Variants in NRK observed in about 807,000 individuals in gnomAD.
NRK encodes Nik related kinase, also known as nik-related protein kinase.
NRK carries 67 observed loss-of-function variants against 125.2 expected under a neutral mutation model. The ratio of observed to expected loss-of-function variants is 0.54; its 90% CI spans 0.44 to 0.66. The LOEUF (loss-of-function observed/expected upper bound fraction) is 0.66. Ranked by LOEUF, NRK falls within the 30% of genes least tolerant of loss-of-function variation. NRK has a pLI of 0.00. For synonymous variants in NRK, 458 were observed against 429.0 expected (o/e 1.07, Z -0.84); for missense variants, 1,224 against 1,192.9 (o/e 1.03, Z -0.38).
intron 1 of NRK, among the ~76,000 whole-genome samples, chrX:105,827,749 T>TA (rs1467724408): frequency 8.9e-6 from 1 of 112,352 alleles, no homozygotes; most frequent in African/African-American, 3.2e-5. Flanking sequence ...TTTTAAGACT[T>TA]AGATTTTTAG....
intron 14 of NRK, 69 bp downstream of exon 14, chrX:105,912,824 G>A: frequency 1.0e-5 from 5 of 500,332 alleles, no homozygotes; most frequent in Non-Finnish European, 1.3e-5. Context: ...AAACTTTTTG[G>A]TCTCAGTGTC....
At chrX:105,858,382 G>GTTTT (rs34843921) in intron 2 of NRK, among the ~76,000 whole-genome samples, 3 of 96,956 alleles carry the variant, frequency 3.1e-5, no homozygotes, top group African/African-American at 1.1e-4. Flanking sequence ...ACCATCTCCA[G>GTTTT]TTTTTTTTTT....
At chrX:105,882,837 G>A (rs972037570) in intron 4 of NRK, among the ~76,000 whole-genome samples, 3 of 111,522 alleles carry the variant, frequency 2.7e-5, no homozygotes, top group Non-Finnish European at 5.7e-5. Context: ...TTAGGAAACC[G>A]CAAAAGATAA....
chrX:105,890,483 G>A (rs766209667), intron 5 of NRK, among the ~76,000 whole-genome samples: 1 of 111,937 alleles, frequency 8.9e-6, no homozygotes, highest in East Asian at 2.8e-4. Flanking sequence ...CTGTTCTCAC[G>A]CTGCTCGTAA....
chrX:105,932,648 C>G (rs1425065326), intron 19 of NRK, among the ~76,000 whole-genome samples: 1 of 111,413 alleles, frequency 9.0e-6, no homozygotes, highest in Admixed American at 9.6e-5. Flanking sequence ...AAAGATTATG[C>G]CAGTCTACTC....
chrX:105,829,294 C>T (rs187933979), intron 1 of NRK, among the ~76,000 whole-genome samples: 150 of 112,150 alleles, frequency 1.3e-3, no homozygotes, highest in African/African-American at 4.4e-3. Flanking sequence ...ACAAATATCA[C>T]GGCAGTTTTA....
chrX:105,831,171 G>A, intron 2 of NRK, 52 bp downstream of exon 2: 2 of 781,206 alleles, frequency 2.6e-6, no homozygotes, highest in Non-Finnish European at 3.9e-6. Flanking sequence ...TGACAACAAA[G>A]ATTGTGAGTC....
rs209097 is a variant in NRK, at chrX:105,938,154, G to A, written c.3799+572G>A. Among the ~76,000 whole-genome samples the A allele has an allele frequency of 3.4e-3, 382 of 111,482 alleles. 1 individual carries two copies. Among genetic ancestry groups the A allele is most frequent in the African/African-American group, 0.011 (352 of 30,706 alleles). On this transcript the variant is annotated intron_variant, in intron 22 of 28. Transcript: ENST00000243300. ...AAGTAAATGAGTGTTAAGAGTGATCGTGATTACTAAACAGCATTTAGTATC... is the reference window on the plus strand; with the variant it reads ...AAGTAAATGAGTGTTAAGAGTGATCATGATTACTAAACAGCATTTAGTATC...
chrX:105,849,133 G>A (rs2039437715), intron 2 of NRK, among the ~76,000 whole-genome samples: 1 of 111,791 alleles, frequency 8.9e-6, no homozygotes. Flanking sequence ...TTACAGTTCT[G>A]CATGGCTGGG....
intron 2 of NRK, among the ~76,000 whole-genome samples, chrX:105,845,752 G>C (rs2039392134): frequency 9.0e-6 from 1 of 111,297 alleles, no homozygotes; most frequent in East Asian, 2.8e-4. Flanking sequence ...CTGCCAAAGG[G>C]TGGGGAGGAG....
At chrX:105,889,490 C>A (rs1256621397) in intron 5 of NRK, among the ~76,000 whole-genome samples, 1 of 112,062 alleles carries the variant, frequency 8.9e-6, no homozygotes, top group Non-Finnish European at 1.9e-5. Flanking sequence ...CAGGCAGTGC[C>A]CCAGTGGTGA....
chrX:105,879,535 CTCA>C (rs1304695815), intron 2 of NRK, among the ~76,000 whole-genome samples: 1 of 110,759 alleles, frequency 9.0e-6, no homozygotes, highest in Non-Finnish European at 1.9e-5. Flanking sequence ...GCTCTTATAA[CTCA>C]TCATATTTTC....
intron 2 of NRK, among the ~76,000 whole-genome samples, chrX:105,869,289 G>A (rs770524761): frequency 8.4e-4 from 94 of 111,519 alleles, no homozygotes; most frequent in Non-Finnish European, 1.5e-3. Context: ...GAAGTTAGAG[G>A]TAAATTGATA....
chrX:105,918,063 T>C (rs959112175), intron 16 of NRK, among the ~76,000 whole-genome samples: 1 of 110,797 alleles, frequency 9.0e-6, no homozygotes, highest in Non-Finnish European at 1.9e-5. Flanking sequence ...GAGTGTGTGT[T>C]TCATTTATCA....
At chrX:105,833,121 A>G (rs1373147420) in intron 2 of NRK, among the ~76,000 whole-genome samples, 1 of 111,972 alleles carries the variant, frequency 8.9e-6, no homozygotes, top group Admixed American at 9.5e-5. Flanking sequence ...AGGTCTTAAA[A>G]ACAGAAAGAA....
intron 2 of NRK, among the ~76,000 whole-genome samples, chrX:105,850,164 G>C (rs1016065360): frequency 8.9e-6 from 1 of 112,676 alleles, no homozygotes; most frequent in African/African-American, 3.2e-5. Flanking sequence ...TGCACCTGCA[G>C]GCTCAACACT....
At chrX:105,950,650 C>T (rs1289365924) in intron 27 of NRK, among the ~76,000 whole-genome samples, 4 of 107,873 alleles carry the variant, frequency 3.7e-5, no homozygotes, top group Non-Finnish European at 5.7e-5. Context: ...AACATTGTGT[C>T]CCATCTCAGA....
chrX:105,906,975 G>T (rs1449924206), intron 11 of NRK, among the ~76,000 whole-genome samples: 1 of 110,212 alleles, frequency 9.1e-6, no homozygotes, highest in African/African-American at 3.3e-5. Flanking sequence ...TTTTCAGCTG[G>T]TATTTTGACT....
At position 105,924,562 on chromosome X, in the gene NRK, G is replaced by A. The variant is rs1357738883; in HGVS notation, c.2976-133G>A. 7 of 507,389 alleles carry A rather than the reference G, an allele frequency of 1.4e-5. No individual in the cohort carries two copies. In the Admixed American group the frequency reaches 2.3e-4, roughly 17 times the overall value. 41.8% of individuals were successfully genotyped at this position (507,389 alleles called of 1,213,427 possible). On this transcript the variant is annotated intron_variant, in intron 18 of 28. Coordinates refer to ENST00000243300, the MANE Select transcript of NRK (RefSeq NM_198465.4). Reference sequence around the variant, plus strand: ...TTATGTTCTTTATCATACCAGTAGTGTTCACATAGAACAAAGACAAGCCTG... The same window carrying A: ...TTATGTTCTTTATCATACCAGTAGTATTCACATAGAACAAAGACAAGCCTG...
Sources: allele counts gnomAD v4.1 joint callset (sites outside exome capture counted in the v4.1 genomes callset), GRCh38; gene constraint gnomAD v4.1.1; transcripts MANE v1.5; gene names NCBI Gene and HGNC (gene_info 2026-07-23, HGNC 2026-07-21).